Variants in PDE4D observed in about 807,000 individuals in gnomAD.
PDE4D encodes phosphodiesterase 4D, also known as 3',5'-cyclic-AMP phosphodiesterase 4D.
In PDE4D, 24 loss-of-function variants were observed where a neutral mutation model predicts 87.4. That is an observed-to-expected ratio of 0.27 (90% CI 0.20 to 0.39). PDE4D has a LOEUF of 0.39. Among genes scored for constraint, PDE4D ranks in the 10% least tolerant of loss-of-function variants. PDE4D has a pLI of 1.00. For missense variants in PDE4D, 714 were observed against 1,041.0 expected, an observed-to-expected ratio of 0.69 and a Z score of 4.32; for synonymous variants, 384 against 383.2, an observed-to-expected ratio of 1.00 and a Z score of -0.02.
chr5:60,188,984 G>C (rs774710767), intron 1 of PDE4D, among the ~76,000 whole-genome samples: 2 of 152,186 alleles, frequency 1.3e-5, no homozygotes, highest in African/African-American at 2.4e-5. Flanking sequence ...TTGACTCTCA[G>C]GAAGGCAGTT....
chr5:59,976,228 T>C (rs1447128104), intron 3 of PDE4D, among the ~76,000 whole-genome samples: 1 of 152,200 alleles, frequency 6.6e-6, no homozygotes, highest in African/African-American at 2.4e-5. Flanking sequence ...TAATTCTGTT[T>C]TGTAATATGT....
At chr5:59,862,832 T>A (rs949866814) in intron 1 of PDE4D, among the ~76,000 whole-genome samples, 2 of 152,214 alleles carry the variant, frequency 1.3e-5, no homozygotes, top group Admixed American at 6.5e-5. Context: ...AAAAGTCAGA[T>A]GACAAGCAGT....
At chr5:59,386,690 G>A (rs1179098334) in intron 1 of PDE4D, among the ~76,000 whole-genome samples, 1 of 125,698 alleles carries the variant, frequency 8.0e-6, no homozygotes, top group East Asian at 2.6e-4. Context: ...AGCGCAGGAG[G>A]AAGGGAGGGA....
At chr5:59,109,506 G>C (rs1218210331) in intron 5 of PDE4D, among the ~76,000 whole-genome samples, 1 of 152,218 alleles carries the variant, frequency 6.6e-6, no homozygotes, top group African/African-American at 2.4e-5. Context: ...GAACATTTCT[G>C]ATCTGCCAAG....
intron 2 of PDE4D, chr5:60,160,882 T>C (rs1382201627): frequency 2.4e-6 from 1 of 411,578 alleles, no homozygotes; most frequent in Non-Finnish European, 4.7e-6. Flanking sequence ...GATTTGAAGT[T>C]TTTCCATGTC....
intron 5 of PDE4D, among the ~76,000 whole-genome samples, chr5:59,112,987 G>T (rs995550365): frequency 6.6e-6 from 1 of 151,854 alleles, no homozygotes; most frequent in African/African-American, 2.4e-5. Flanking sequence ...TTTTAGTAGC[G>T]ATGGGGTTTC....
chr5:59,690,853 T>G (rs9765834), intron 1 of PDE4D, among the ~76,000 whole-genome samples: 13,005 of 152,006 alleles, frequency 0.086, 1,731 homozygotes, highest in African/African-American at 0.29. Flanking sequence ...AATCTACAAA[T>G]AACTTAAACA....
intron 1 of PDE4D, among the ~76,000 whole-genome samples, chr5:60,328,134 C>T (rs1269477434): frequency 6.6e-6 from 1 of 152,144 alleles, no homozygotes; most frequent in East Asian, 1.9e-4. Flanking sequence ...GTTCATATGG[C>T]TGGATATCTA....
At chr5:59,968,205 A>G (rs1366780931) in intron 3 of PDE4D, among the ~76,000 whole-genome samples, 2 of 151,872 alleles carry the variant, frequency 1.3e-5, no homozygotes, top group African/African-American at 2.4e-5. Context: ...GCTGGTTTAG[A>G]ACTCCTGACC....
chr5:60,476,477 T>G (rs958397859), intron 1 of PDE4D, among the ~76,000 whole-genome samples: 3 of 152,180 alleles, frequency 2.0e-5, no homozygotes, highest in African/African-American at 7.2e-5. Flanking sequence ...CTATAGCCTG[T>G]GCCCCACGCA....
intron 1 of PDE4D, among the ~76,000 whole-genome samples, chr5:60,320,113 G>A (rs1238318698): frequency 6.6e-6 from 1 of 152,230 alleles, no homozygotes; most frequent in East Asian, 1.9e-4. Flanking sequence ...GCCTCCTTGA[G>A]CTGTAGTGGG....
intron 1 of PDE4D, among the ~76,000 whole-genome samples, chr5:60,474,702 A>G (rs1748174043): frequency 6.6e-6 from 1 of 152,218 alleles, no homozygotes; most frequent in African/African-American, 2.4e-5. Context: ...TCATTCAGAC[A>G]CACTTTCCAC....
At chr5:59,326,153 A>T (rs1407872102) in intron 1 of PDE4D, among the ~76,000 whole-genome samples, 1 of 152,084 alleles carries the variant, frequency 6.6e-6, no homozygotes, top group Non-Finnish European at 1.5e-5. Context: ...GCATTAGGAG[A>T]TATACCTAAT....
At chr5:59,233,543 T>C (rs1252058463) in intron 1 of PDE4D, among the ~76,000 whole-genome samples, 1 of 152,136 alleles carries the variant, frequency 6.6e-6, no homozygotes, top group Non-Finnish European at 1.5e-5. Context: ...ATGTCGTAGG[T>C]TGAATCAGAT....
chr5:59,498,034 G>GA (rs971993361), intron 1 of PDE4D, among the ~76,000 whole-genome samples: 2 of 151,274 alleles, frequency 1.3e-5, no homozygotes, highest in South Asian at 2.1e-4. Flanking sequence ...CATTTTTAAA[G>GA]AAAAAAAATG....
rs376609469 is a variant in PDE4D at position 58,989,782 on chromosome 5, A to G, written c.1425T>C (p.His475=). 4 of 1,609,598 alleles carry G rather than the reference A, an allele frequency of 2.5e-6. No homozygotes were observed. The highest frequency in any genetic ancestry group is 3.4e-6 in the Non-Finnish European group (4 of 1,178,284). The change falls in exon 10 of 15, where the codon CAT becomes CAC. Residue 475 remains histidine (H), a synonymous_variant. Coordinates refer to ENST00000340635, the MANE Select transcript of PDE4D (RefSeq NM_001104631.2). ...CCAAAGCAGGTGTAGATAATAGCAC[A>G]TGAGTAGACTGGACAACATCTGCAG... ...IHAADVVQST[H]VLLSTPALEA... is the part of the protein sequence containing the mutation.
At chr5:59,548,901 G>C (rs775459632) in intron 1 of PDE4D, among the ~76,000 whole-genome samples, 1 of 152,062 alleles carries the variant, frequency 6.6e-6, no homozygotes, top group Non-Finnish European at 1.5e-5. Context: ...CTCTCTGAGG[G>C]AACTGGGCAT....
intron 2 of PDE4D, among the ~76,000 whole-genome samples, chr5:60,120,010 T>G (rs748775641): frequency 4.0e-4 from 61 of 152,306 alleles, no homozygotes; most frequent in Non-Finnish European, 6.0e-4. Flanking sequence ...CTTAGTGGAC[T>G]TGGCACTTCA....
At chr5:60,103,766 T>C (rs1365066447) in intron 2 of PDE4D, among the ~76,000 whole-genome samples, 1 of 151,904 alleles carries the variant, frequency 6.6e-6, no homozygotes, top group Non-Finnish European at 1.5e-5. Flanking sequence ...AAAGAAAAAA[T>C]GGTTTATAAA....
Sources: allele counts gnomAD v4.1 joint callset (sites outside exome capture counted in the v4.1 genomes callset), GRCh38; gene constraint gnomAD v4.1.1; transcripts MANE v1.5; gene names NCBI Gene and HGNC (gene_info 2026-07-23, HGNC 2026-07-21).